CYP2C19: variants seen among roughly 807,000 people sequenced by gnomAD.
CYP2C19 encodes cytochrome P450 2C19.
In CYP2C19, 59 loss-of-function variants were observed where a neutral mutation model predicts 40.9. The ratio of observed to expected loss-of-function variants is 1.44; its 90% CI spans 1.17 to 1.79. The LOEUF (loss-of-function observed/expected upper bound fraction) is 1.79. CYP2C19 is among the 40% of genes most tolerant of loss of function. The probability of loss-of-function intolerance (pLI) is 0.00; values close to 1 mark genes in which losing one functional copy is unlikely to be tolerated. For synonymous variants in CYP2C19, 253 were observed against 208.7 expected (o/e 1.21, Z -1.83); for missense variants, 754 against 596.9 (o/e 1.26, Z -2.74).
Position 94,775,220 on chromosome 10 carries a change from G to A in CYP2C19, c.331G>A (p.Gly111Arg), listed in dbSNP as rs765389862. The A allele has an allele frequency of 9.9e-6, 16 of 1,613,946 alleles. No homozygotes were observed. Among genetic ancestry groups the A allele is most frequent in the African/African-American group, 8.0e-5 (6 of 74,910 alleles). The stretch of plus-strand genomic sequence containing the variant: ...GGCTGAAAGAGCTAACAGAGGATTT[G>A]GTAGGTGTGCAAGTGCCTGTTTCAG... ...PLAERANRGFGIVFSNGKRWK... is the reference protein window; with the variant it reads ...PLAERANRGFRIVFSNGKRWK... Residue 111 changes from glycine (G) to arginine (R), a missense_variant and splice_region_variant, in exon 2 of 9, where the codon GGA (glycine) becomes AGA (arginine). Transcript: ENST00000371321.
intron 8 of CYP2C19, among the ~76,000 whole-genome samples, chr10:94,851,443 CAAAT>C (rs71031598): frequency 0.24 from 33,539 of 142,620 alleles, 4,051 homozygotes; most frequent in Middle Eastern, 0.3. Flanking sequence ...TACCAGCACA[CAAAT>C]AAATAAATAA....
chr10:94,775,091 T>C lies in CYP2C19; in HGVS notation c.202T>C (p.Tyr68His). ...SKIYGPVFTLYFGLERMVVLH... is the reference protein window; with the variant it reads ...SKIYGPVFTLHFGLERMVVLH... ...AATCTATGGCCCTGTGTTCACTCTG[T>C]ATTTTGGCCTGGAACGCATGGTGGT... The change falls in exon 2 of 9, where the codon TAT (tyrosine) becomes CAT (histidine). Residue 68 changes from tyrosine (Y) to histidine (H), a missense_variant. Physicochemically the swap from Tyr to His is moderately conservative, Grantham distance 83. Transcript: ENST00000371321. 6.2e-7 allele frequency: 1 copy of C among 1,614,158 alleles called. No homozygotes were observed. Among genetic ancestry groups the C allele is most frequent in the East Asian group, 2.2e-5 (1 of 44,882 alleles).
intron 3 of CYP2C19, chr10:94,775,745 G>A (rs1848399277): frequency 1.4e-6 from 1 of 737,438 alleles, no homozygotes; most frequent in Admixed American, 2.9e-5. Flanking sequence ...ATACAGTGTG[G>A]GTATAAAAGT....
At position 94,854,123 on chromosome 10, in the gene CYP2C19, G is replaced by T. The variant is rs1564687958; in HGVS notation, c.*1209G>T. Among the ~76,000 whole-genome samples the T allele has an allele frequency of 6.6e-6, 1 of 150,774 alleles. No individual in the cohort carries two copies. Among genetic ancestry groups the T allele is most frequent in the Non-Finnish European group, 1.5e-5 (1 of 67,694 alleles). On this transcript the variant is annotated 3_prime_UTR_variant, in exon 9 of 9. Coordinates refer to ENST00000371321, the MANE Select transcript of CYP2C19 (RefSeq NM_000769.4). Reference sequence around the variant, plus strand: ...AATCTCCACCTCCTGGATTCAAGTGGTTCTCCTGCCTCAGCCCCCCAAGTA... The same window carrying T: ...AATCTCCACCTCCTGGATTCAAGTGTTTCTCCTGCCTCAGCCCCCCAAGTA...
intron 6 of CYP2C19, among the ~76,000 whole-genome samples, chr10:94,832,566 C>T (rs888884497): frequency 6.6e-6 from 1 of 152,118 alleles, no homozygotes; most frequent in African/African-American, 2.4e-5. Flanking sequence ...AGAATGAGTT[C>T]ACTCTAGGTG....
chr10:94,820,710 C>G, intron 6 of CYP2C19, 73 bp downstream of exon 6: 1 of 1,579,054 alleles, frequency 6.3e-7, no homozygotes, highest in Non-Finnish European at 8.7e-7. Flanking sequence ...GTTCTCCTTT[C>G]TGTTTCTCTT....
chr10:94,801,880 G>A (rs1485909665), intron 5 of CYP2C19, among the ~76,000 whole-genome samples: 4 of 152,184 alleles, frequency 2.6e-5, no homozygotes, highest in Non-Finnish European at 5.9e-5. Context: ...CAGAAATGAA[G>A]CTGTGGACCT....
intron 5 of CYP2C19, among the ~76,000 whole-genome samples, chr10:94,804,946 T>G (rs1848814328): frequency 6.6e-6 from 1 of 152,190 alleles, no homozygotes; most frequent in Non-Finnish European, 1.5e-5. Context: ...TGATTATTGT[T>G]TTCTTTGTGT....
intron 3 of CYP2C19, among the ~76,000 whole-genome samples, chr10:94,778,742 A>G (rs1168759760): frequency 6.6e-6 from 1 of 152,200 alleles, no homozygotes; most frequent in African/African-American, 2.4e-5. Context: ...ATTCCATTTG[A>G]TCTAGCAATC....
intron 6 of CYP2C19, among the ~76,000 whole-genome samples, chr10:94,831,730 GC>G (rs1344380858): frequency 1.3e-5 from 2 of 152,186 alleles, no homozygotes; most frequent in Admixed American, 1.3e-4. Flanking sequence ...CAAATCTTTT[GC>G]CCACTTGTGG....
chr10:94,802,009 G>A (rs187757018), intron 5 of CYP2C19, among the ~76,000 whole-genome samples: 14 of 152,154 alleles, frequency 9.2e-5, no homozygotes, highest in Admixed American at 6.5e-4. Flanking sequence ...ACCTTAGAGG[G>A]TTGCTTCTGC....
rs150843953 is a variant in CYP2C19 at position 94,805,643 on chromosome 10, G to A, written c.820-14853G>A. On this transcript the variant is annotated intron_variant, in intron 5 of 8. Transcript: ENST00000371321. Reference sequence around the variant, plus strand: ...TCATGCCTGTAATCCCAGCACTTTGGGAGGTTGAGGTGGGCAGATTTCATG... The same window carrying A: ...TCATGCCTGTAATCCCAGCACTTTGAGAGGTTGAGGTGGGCAGATTTCATG... Among the ~76,000 whole-genome samples the A allele has an allele frequency of 3.1e-3, 474 of 152,208 alleles. 3 individuals are homozygous for A. Among genetic ancestry groups the A allele is most frequent in the African/African-American group, 0.011 (447 of 41,546 alleles).
chr10:94,842,767 A>G (rs1849514944), intron 6 of CYP2C19, 70 bp from the exon 7 acceptor site: 3 of 1,474,498 alleles, frequency 2.0e-6, no homozygotes, highest in Admixed American at 1.7e-5. Flanking sequence ...TGATTCATGT[A>G]CCCCTGAATT....
chr10:94,765,307 T>C (rs1210619581), intron 1 of CYP2C19, among the ~76,000 whole-genome samples: 1 of 152,082 alleles, frequency 6.6e-6, no homozygotes, highest in Non-Finnish European at 1.5e-5. Context: ...GGGGCAATGT[T>C]AATGTTGGGA....
intron 5 of CYP2C19, among the ~76,000 whole-genome samples, chr10:94,816,299 G>C (rs896588253): frequency 1.3e-5 from 2 of 149,142 alleles, no homozygotes; most frequent in Non-Finnish European, 3.0e-5. Context: ...GGCATAAGTG[G>C]GATTTTATTT....
At chr10:94,845,083 C>A (rs966625604) in intron 7 of CYP2C19, among the ~76,000 whole-genome samples, 1 of 152,164 alleles carries the variant, frequency 6.6e-6, no homozygotes, top group Non-Finnish European at 1.5e-5. Flanking sequence ...CACTGCGTGG[C>A]CAATTCTACC....
chr10:94,796,620 T>A (rs940652689), intron 5 of CYP2C19, among the ~76,000 whole-genome samples: 1 of 152,176 alleles, frequency 6.6e-6, no homozygotes, highest in African/African-American at 2.4e-5. Context: ...ATTCTTCCTA[T>A]CCATGAGCAT....
intron 3 of CYP2C19, 36 bp from the exon 4 acceptor site, chr10:94,780,462 GT>G (rs780421910): frequency 6.2e-7 from 1 of 1,609,126 alleles, no homozygotes; most frequent in Non-Finnish European, 8.5e-7. Flanking sequence ...TATATCTAAT[GT>G]TTACTCATAT....
rs1025071067 is a variant in CYP2C19, at chr10:94,853,564, G to A, written c.*650G>A. Among the ~76,000 whole-genome samples the A allele has an allele frequency of 6.0e-4, 22 of 36,848 alleles. No individual in the cohort carries two copies. Among genetic ancestry groups the A allele is most frequent in the Non-Finnish European group, 6.3e-4 (10 of 15,992 alleles). 24.2% of individuals were successfully genotyped at this position (36,848 alleles called of 152,430 possible). On this transcript the variant is annotated 3_prime_UTR_variant, in exon 9 of 9. Transcript: ENST00000371321. Reference sequence around the variant, plus strand: ...TGGTGTTCCTTTTTTTTTTTTTTTTGAGACAATGTCTCACTCTGTCTCCCA... The same window carrying A: ...TGGTGTTCCTTTTTTTTTTTTTTTTAAGACAATGTCTCACTCTGTCTCCCA...
Sources: allele counts gnomAD v4.1 joint callset (sites outside exome capture counted in the v4.1 genomes callset), GRCh38; gene constraint gnomAD v4.1.1; transcripts MANE v1.5; gene names NCBI Gene and HGNC (gene_info 2026-07-23, HGNC 2026-07-21).